The following TXNL1 variants were observed in gnomAD, a reference collection of about 807,000 sequenced individuals.
TXNL1 encodes thioredoxin-like protein 1.
In TXNL1, 14 loss-of-function variants were observed where a neutral mutation model predicts 35.5. That is an observed-to-expected ratio of 0.39 (90% CI 0.26 to 0.62). TXNL1 has a LOEUF of 0.62. TXNL1 is among the 20% of genes least tolerant of loss of function. TXNL1 has a pLI of 0.47. For missense variants in TXNL1, 263 were observed against 349.7 expected, an observed-to-expected ratio of 0.75 and a Z score of 1.98; for synonymous variants, 110 against 115.5, an observed-to-expected ratio of 0.95 and a Z score of 0.31.
chr18:56,638,309 G>A (rs1170994327), intron 1 of TXNL1, 34 bp downstream of exon 1: 2 of 1,583,590 alleles, frequency 1.3e-6, no homozygotes, highest in East Asian at 2.3e-5. Context: ...AGGAAGGACA[G>A]ACGGGGACCC....
intron 2 of TXNL1, 62 bp from the exon 3 acceptor site, chr18:56,624,523 C>G (rs1318484805): frequency 9.3e-6 from 14 of 1,513,046 alleles, no homozygotes; most frequent in Non-Finnish European, 1.3e-5. Flanking sequence ...AATATTCATT[C>G]TACACCTTTA....
At chr18:56,605,215 T>C (rs544944446) in intron 7 of TXNL1, 2 of 152,302 alleles carry the variant, frequency 1.3e-5, no homozygotes, top group African/African-American at 4.8e-5. Context: ...TGATAGAAGC[T>C]GTAGAAATCT....
chr18:56,622,443 T>C (rs1480122822), intron 3 of TXNL1, among the ~76,000 whole-genome samples: 1 of 152,182 alleles, frequency 6.6e-6, no homozygotes, highest in Non-Finnish European at 1.5e-5. Context: ...TTGGGAGTTA[T>C]AATGGTATCA....
At chr18:56,617,049 T>C (rs2024099409) in intron 4 of TXNL1, among the ~76,000 whole-genome samples, 1 of 152,214 alleles carries the variant, frequency 6.6e-6, no homozygotes, top group Non-Finnish European at 1.5e-5. Context: ...ATTAGCATTA[T>C]TACATTATTT....
In TXNL1 at chr18:56,638,476, A is replaced by G; in HGVS notation, c.-36T>C. ...AGCCCGGCAGGGTGGCCGCGACGCC[A>G]CTGGCTTTGAAACTGAAGGAGAAGA... On this transcript the variant is annotated 5_prime_UTR_variant, in exon 1 of 8. Transcript: ENST00000217515. The G allele has an allele frequency of 6.3e-7, 1 of 1,593,824 alleles. No individual in the cohort carries two copies. The highest frequency in any genetic ancestry group is 2.3e-5 in the East Asian group (1 of 44,286).
rs950664590 is a variant in TXNL1 at position 56,626,043 on chromosome 18, G to A, written c.195+318C>T. ...CACTGCTATATAATGCCAATACCTC[G>A]GGGGTAGAAGATATAATTCTAGGTT... is the stretch of plus-strand genomic sequence containing the variant. On this transcript the variant is annotated intron_variant, in intron 2 of 7. Transcript: ENST00000217515. 37 of 305,562 alleles carry A rather than the reference G, an allele frequency of 1.2e-4. 2 individuals carry two copies. In the East Asian group the frequency reaches 2.8e-3, roughly 23 times the overall value. 18.9% of individuals were successfully genotyped at this position (305,562 alleles called of 1,614,324 possible). A position where few individuals can be genotyped will look rare whatever the true frequency, so the allele number is the denominator to read the frequency against.
chr18:56,619,973 T>C (rs1405802872), intron 3 of TXNL1, among the ~76,000 whole-genome samples: 1 of 152,120 alleles, frequency 6.6e-6, no homozygotes, highest in East Asian at 1.9e-4. Context: ...GTTATTATTA[T>C]TATTATTATT....
chr18:56,616,665 C>T (rs2024091950), intron 4 of TXNL1, among the ~76,000 whole-genome samples: 1 of 152,156 alleles, frequency 6.6e-6, no homozygotes, highest in African/African-American at 2.4e-5. Flanking sequence ...CATTTTAGCA[C>T]ATAGCTCTAC....
At chr18:56,625,178 A>G (rs1196338237) in intron 2 of TXNL1, among the ~76,000 whole-genome samples, 2 of 152,174 alleles carry the variant, frequency 1.3e-5, no homozygotes, top group Admixed American at 6.5e-5. Context: ...GAAAAAGAAC[A>G]TAAAGATAAC....
chr18:56,618,235 T>A, intron 3 of TXNL1, 109 bp from the exon 4 acceptor site: 2 of 1,192,210 alleles, frequency 1.7e-6, no homozygotes, highest in Non-Finnish European at 2.3e-6. Flanking sequence ...AAAACACTTT[T>A]AAAACAGTTC....
At chr18:56,617,964 A>T (rs1217155923) in intron 4 of TXNL1, 40 bp downstream of exon 4, 1 of 1,608,364 alleles carries the variant, frequency 6.2e-7, no homozygotes, top group Admixed American at 1.7e-5. Flanking sequence ...AGGCATAAAT[A>T]GTGATAATCT....
chr18:56,621,985 T>C (rs2144314057), intron 3 of TXNL1, among the ~76,000 whole-genome samples: 1 of 114,514 alleles, frequency 8.7e-6, no homozygotes, highest in Non-Finnish European at 1.7e-5. Context: ...CACGCCAGCC[T>C]AGACAAAAGT....
At chr18:56,631,616 A>G (rs570740520) in intron 1 of TXNL1, among the ~76,000 whole-genome samples, 2 of 152,286 alleles carry the variant, frequency 1.3e-5, no homozygotes, top group East Asian at 3.9e-4. Flanking sequence ...AGCTTTCTAC[A>G]ATGTATAAAG....
chr18:56,607,897 ATTG>A (rs1475311143), intron 7 of TXNL1, among the ~76,000 whole-genome samples: 1 of 152,172 alleles, frequency 6.6e-6, no homozygotes, highest in African/African-American at 2.4e-5. Context: ...AGGTGAAAAT[ATTG>A]TAAGTCAAAA....
At chr18:56,614,388 A>G (rs761387536) in intron 6 of TXNL1, 36 bp downstream of exon 6, 1 of 1,576,658 alleles carries the variant, frequency 6.3e-7, no homozygotes, top group Non-Finnish European at 8.7e-7. Context: ...GTTACTCACA[A>G]ACCTATTAAA....
rs545510745 is a variant in TXNL1, at chr18:56,636,722, ATATT to A, written c.98+1617_98+1620del. ...TTCCCCAGTTTTCTCACTTCAATCA[ATATT>A]TATTTATTATTTTATTATCTCTCCC... On this transcript the variant is annotated intron_variant, in intron 1 of 7. Coordinates refer to ENST00000217515, the MANE Select transcript of TXNL1 (RefSeq NM_004786.3). Among the ~76,000 whole-genome samples the A allele has an allele frequency of 3.3e-5, 5 of 152,280 alleles. No individual in the cohort carries two copies. In the South Asian group the frequency reaches 8.3e-4, roughly 25 times the overall value.
intron 1 of TXNL1, among the ~76,000 whole-genome samples, chr18:56,637,609 C>G (rs1776818583): frequency 6.6e-6 from 1 of 152,142 alleles, no homozygotes; most frequent in South Asian, 2.1e-4. Flanking sequence ...TAACATTTTT[C>G]AAGATCCCTG....
chr18:56,634,871 A>C (rs922188914), intron 1 of TXNL1, among the ~76,000 whole-genome samples: 11 of 152,196 alleles, frequency 7.2e-5, no homozygotes, highest in African/African-American at 2.7e-4. Flanking sequence ...AGACAACCCA[A>C]AGAATGGGAC....
chr18:56,634,985 AGC>A (rs2024433179), intron 1 of TXNL1, among the ~76,000 whole-genome samples: 1 of 152,210 alleles, frequency 6.6e-6, no homozygotes, highest in African/African-American at 2.4e-5. Flanking sequence ...CAGAAGGCCC[AGC>A]GCAGTGACTC....
Sources: gnomAD v4.1 joint callset for allele counts (sites outside exome capture counted in the v4.1 genomes callset) on GRCh38, gnomAD v4.1.1 for gene constraint, MANE v1.5 for transcripts, NCBI Gene and HGNC (gene_info 2026-07-23, HGNC 2026-07-21) for gene names.